SKAP1: variants seen among roughly 807,000 people sequenced by gnomAD.
The protein encoded by SKAP1 is src kinase associated phosphoprotein 1.
A neutral mutation model predicts 58.5 loss-of-function variants in SKAP1; 44 were observed. The ratio of observed to expected loss-of-function variants is 0.75; its 90% CI spans 0.59 to 0.97. The LOEUF (loss-of-function observed/expected upper bound fraction) is 0.97, where lower values mean the gene tolerates loss of function less well. Among genes scored for constraint, SKAP1 ranks in the 50% least tolerant of loss-of-function variants. SKAP1 has a pLI of 0.00. For missense variants in SKAP1, 390 were observed against 435.2 expected (o/e 0.90, Z 0.92); for synonymous variants, 127 against 149.7 (o/e 0.85, Z 1.11).
chr17:48,310,767 A>G (rs72827823), intron 4 of SKAP1, among the ~76,000 whole-genome samples: 2,942 of 149,936 alleles, frequency 0.02, 38 homozygotes, highest in Non-Finnish European at 0.032. Flanking sequence ...CAGGGGAACA[A>G]TTAAAGATGC....
intron 4 of SKAP1, among the ~76,000 whole-genome samples, chr17:48,297,333 G>A (rs779984240): frequency 5.9e-5 from 9 of 152,090 alleles, no homozygotes; most frequent in East Asian, 3.9e-4. Context: ...TTGTAGATAC[G>A]GGTAAATATA....
the SKAP1 span, among the ~76,000 whole-genome samples, chr17:48,443,540 A>C: frequency 6.6e-6 from 1 of 152,106 alleles, no homozygotes; most frequent in Non-Finnish European, 1.5e-5. Context: ...CAATGGTGCG[A>C]TCTCGGCTCA....
chr17:48,172,614 T>G (rs977450206), intron 9 of SKAP1, among the ~76,000 whole-genome samples: 6 of 152,188 alleles, frequency 3.9e-5, no homozygotes, highest in African/African-American at 1.4e-4. Context: ...TTTTGAGGGC[T>G]GAATACTCAG....
At chr17:48,156,571 C>A in intron 11 of SKAP1, 2 of 431,680 alleles carry the variant, frequency 4.6e-6, no homozygotes, top group Non-Finnish European at 4.9e-6. Flanking sequence ...CCAAAAGGAA[C>A]ACAGGAACAT....
chr17:48,404,403 G>C (rs1409740334), intron 1 of SKAP1, among the ~76,000 whole-genome samples: 1 of 152,140 alleles, frequency 6.6e-6, no homozygotes, highest in Admixed American at 6.6e-5. Flanking sequence ...AGTGAGCTAA[G>C]ATCATGCCAT....
chr17:48,156,846 C>A (rs1230901410), intron 11 of SKAP1, among the ~76,000 whole-genome samples: 1 of 152,130 alleles, frequency 6.6e-6, no homozygotes, highest in East Asian at 1.9e-4. Flanking sequence ...CCAGGAAAGG[C>A]ATGGTGGATT....
intron 4 of SKAP1, among the ~76,000 whole-genome samples, chr17:48,311,034 C>T (rs548810923): frequency 1.3e-5 from 2 of 152,202 alleles, no homozygotes; most frequent in African/African-American, 4.8e-5. Context: ...TCGCCGCCCC[C>T]CCAGGCTGAG....
At chr17:48,275,714 G>A (rs2065690753) in intron 4 of SKAP1, among the ~76,000 whole-genome samples, 1 of 152,208 alleles carries the variant, frequency 6.6e-6, no homozygotes, top group Non-Finnish European at 1.5e-5. Context: ...GCAAGGGACA[G>A]GAACCACAGC....
chr17:48,270,978 C>CAT (rs1211926726), intron 4 of SKAP1, among the ~76,000 whole-genome samples: 1 of 151,946 alleles, frequency 6.6e-6, no homozygotes, highest in African/African-American at 2.4e-5. Flanking sequence ...GGGGCATGAA[C>CAT]ATATGGTGAA....
At chr17:48,166,764 A>G (rs909841716) in intron 10 of SKAP1, among the ~76,000 whole-genome samples, 4 of 152,332 alleles carry the variant, frequency 2.6e-5, no homozygotes, top group Middle Eastern at 3.4e-3. Context: ...TGGACAAAAA[A>G]CGCCAAAGTA....
chr17:48,184,736 C>T lies in SKAP1; in HGVS notation c.554G>A (p.Arg185Lys). Residue 185 changes from arginine to lysine, a missense_variant, in exon 7 of 13, where the codon AGG (arginine) becomes AAG (lysine). By Grantham distance (26) the Arg-to-Lys change is conservative (BLOSUM62 2). Coordinates refer to ENST00000336915, the MANE Select transcript of SKAP1 (RefSeq NM_003726.4). Reference protein sequence around the residue: ...ESCFELTSQDRRSYEFTATSP... With the variant: ...ESCFELTSQDKRSYEFTATSP... ...GATGCGTCCTACCTCATAGCTGCGC[C>T]TATCCTGGGAGGTCAGTTCAAAGCA... 1.9e-6 allele frequency: 3 copies of T among 1,614,090 alleles called. No homozygotes were observed. Among genetic ancestry groups the T allele is most frequent in the Non-Finnish European group, 2.5e-6 (3 of 1,179,970 alleles).
chr17:48,200,815 A>G (rs888091520), intron 4 of SKAP1, among the ~76,000 whole-genome samples: 2 of 152,228 alleles, frequency 1.3e-5, no homozygotes, highest in African/African-American at 4.8e-5. Context: ...TGCCAGTGGG[A>G]AATCTGGTCC....
chr17:48,313,359 TA>T (rs1298300064), intron 4 of SKAP1, among the ~76,000 whole-genome samples: 6 of 152,178 alleles, frequency 3.9e-5, no homozygotes, highest in Admixed American at 3.9e-4. Context: ...AGGTGAAGGC[TA>T]AATGTGTGAA....
At chr17:48,407,928 G>C (rs2067609659) in intron 1 of SKAP1, among the ~76,000 whole-genome samples, 1 of 150,658 alleles carries the variant, frequency 6.6e-6, no homozygotes, top group Non-Finnish European at 1.5e-5. Context: ...ATTTTTCAGA[G>C]GGGGGGGAAT....
At chr17:48,391,865 G>A (rs1458276588) in intron 2 of SKAP1, among the ~76,000 whole-genome samples, 2 of 146,888 alleles carry the variant, frequency 1.4e-5, no homozygotes, top group Non-Finnish European at 3.0e-5. Flanking sequence ...AAGATGTTAT[G>A]AGTAAATCTT....
At chr17:48,146,709 A>G (rs2063837075) in intron 11 of SKAP1, among the ~76,000 whole-genome samples, 1 of 150,138 alleles carries the variant, frequency 6.7e-6, no homozygotes, top group Admixed American at 6.6e-5. Flanking sequence ...GCTCACTGCA[A>G]CCTCTGCCTC....
At chr17:48,218,393 A>G (rs915185476) in intron 4 of SKAP1, among the ~76,000 whole-genome samples, 1 of 152,210 alleles carries the variant, frequency 6.6e-6, no homozygotes, top group African/African-American at 2.4e-5. Context: ...CCCAACATCA[A>G]TATTCCCAAC....
intron 11 of SKAP1, among the ~76,000 whole-genome samples, chr17:48,161,893 T>C (rs1001532852): frequency 6.6e-6 from 1 of 152,224 alleles, no homozygotes; most frequent in African/African-American, 2.4e-5. Context: ...CTGAGAAAGA[T>C]TAAATTTTGA....
chr17:48,251,117 T>A (rs1184752433), intron 4 of SKAP1, among the ~76,000 whole-genome samples: 2 of 152,236 alleles, frequency 1.3e-5, no homozygotes, highest in African/African-American at 4.8e-5. Flanking sequence ...GTGCGTTAAC[T>A]GCACGATACT....
Sources: allele counts gnomAD v4.1 joint callset (sites outside exome capture counted in the v4.1 genomes callset), GRCh38; gene constraint gnomAD v4.1.1; transcripts MANE v1.5; gene names NCBI Gene and HGNC (gene_info 2026-07-23, HGNC 2026-07-21).